The following EFCAB6 variants were observed in gnomAD, a reference collection of about 807,000 sequenced individuals.
EFCAB6 encodes the protein EF-hand calcium-binding domain-containing protein 6.
EFCAB6 carries 156 observed loss-of-function variants against 169.8 expected under a neutral mutation model. That is an observed-to-expected ratio of 0.92 (90% CI 0.81 to 1.05). The LOEUF is 1.05. EFCAB6 is among the 50% of genes least tolerant of loss of function. The probability of loss-of-function intolerance (pLI) is 0.00; values close to 1 mark genes in which losing one functional copy is unlikely to be tolerated. For missense variants in EFCAB6, 1,800 were observed against 1,829.1 expected, an observed-to-expected ratio of 0.98 and a Z score of 0.29; for synonymous variants, 698 against 676.4, an observed-to-expected ratio of 1.03 and a Z score of -0.50.
chr22:43,540,043 A>C lies in EFCAB6; in HGVS notation c.3879+84T>G, dbSNP rs2047605291. On this transcript the variant is annotated intron_variant, in intron 28 of 31. Transcript: ENST00000262726. Reference sequence around the variant, plus strand: ...TCTCAGCCACTCAACCCTGGGCCATAGTAGGGCCCCCAAAGTCCCCCCAGT... The same window carrying C: ...TCTCAGCCACTCAACCCTGGGCCATCGTAGGGCCCCCAAAGTCCCCCCAGT... 7 of 1,487,110 alleles carry C rather than the reference A, an allele frequency of 4.7e-6. No individual in the cohort carries two copies. In the South Asian group the frequency reaches 6.1e-5, roughly 13 times the overall value. 92.1% of individuals were successfully genotyped at this position (1,487,110 alleles called of 1,614,324 possible).
chr22:43,636,118 C>T (rs866040786), intron 17 of EFCAB6, among the ~76,000 whole-genome samples: 4 of 152,204 alleles, frequency 2.6e-5, no homozygotes, highest in Non-Finnish European at 4.4e-5. Context: ...GGGCCAAAGA[C>T]GTCCAGGATG....
At chr22:43,672,450 T>C (rs150858534) in intron 13 of EFCAB6, 145 bp from the exon 14 acceptor site, 4 of 721,870 alleles carry the variant, frequency 5.5e-6, no homozygotes, top group Non-Finnish European at 9.2e-6. Context: ...GAGCTTGCCC[T>C]CTAATACCCA....
chr22:43,789,123 G>A (rs1478955854), intron 2 of EFCAB6, among the ~76,000 whole-genome samples: 2 of 152,138 alleles, frequency 1.3e-5, no homozygotes. Flanking sequence ...CTGGAAGAAG[G>A]GAGGAATGGG....
chr22:43,586,400 GTACAGTGGTGCAATCATAGC>G (rs2051076223), intron 24 of EFCAB6, among the ~76,000 whole-genome samples: 1 of 121,362 alleles, frequency 8.2e-6, no homozygotes, highest in Non-Finnish European at 1.7e-5. Context: ...TGAGGCTGGA[GTACAGTGGTGCAATCATAGC>G]TCATTGCAGC....
Position 43,635,105 on chromosome 22 carries a change from CA to C in EFCAB6, c.2094del (p.Phe698LeufsTer6). The C allele has an allele frequency of 6.2e-7, 1 of 1,614,102 alleles. No homozygotes were observed. Among genetic ancestry groups the C allele is most frequent in the Non-Finnish European group, 8.5e-7 (1 of 1,179,956 alleles). Reference sequence around the variant, plus strand: ...TGTGGACTTGGCCATTAGCTACCTTCAAATCCTGCTGCAAAATCAAGATAGC... The same window carrying C: ...TGTGGACTTGGCCATTAGCTACCTTCAATCCTGCTGCAAAATCAAGATAGC... Reference protein sequence around the residue: ...GMSYLDFAAGFEDPPMRGPET... With the variant: ...GMSYLDFAAGXEDPPMRGPET... On this transcript the variant is annotated frameshift_variant, in exon 18 of 32. Transcript: ENST00000262726. LOFTEE classifies it high-confidence loss of function.
chr22:43,765,819 C>A (rs900529773), intron 4 of EFCAB6, among the ~76,000 whole-genome samples: 9 of 151,976 alleles, frequency 5.9e-5, no homozygotes, highest in Non-Finnish European at 1.0e-4. Context: ...GAAAAAAATC[C>A]ATTTTTAAAT....
chr22:43,734,301 A>C (rs1427248036), intron 7 of EFCAB6, among the ~76,000 whole-genome samples: 2 of 152,276 alleles, frequency 1.3e-5, no homozygotes, highest in East Asian at 3.8e-4. Flanking sequence ...GAAAAGCATT[A>C]AAGCAATTGA....
At chr22:43,749,977 A>G (rs1294375257) in intron 6 of EFCAB6, among the ~76,000 whole-genome samples, 1 of 152,184 alleles carries the variant, frequency 6.6e-6, no homozygotes, top group Non-Finnish European at 1.5e-5. Context: ...GCTCAGGATC[A>G]CTCAGAGAGT....
chr22:43,745,569 G>T lies in EFCAB6; in HGVS notation c.508-9576C>A, dbSNP rs149629934. On this transcript the variant is annotated intron_variant, in intron 6 of 31. Coordinates refer to ENST00000262726, the MANE Select transcript of EFCAB6 (RefSeq NM_022785.4). ...GAGTCCCAAGGGGAGGGGGCTTCGG[G>T]CACCCCCATGTCTTGGCTCAGCAGC... Among the ~76,000 whole-genome samples the T allele has an allele frequency of 3.3e-3, 497 of 152,242 alleles. 1 individual carries two copies. Among genetic ancestry groups the T allele is most frequent in the African/African-American group, 0.011 (477 of 41,516 alleles).
chr22:43,775,059 G>A (rs1364007001), intron 3 of EFCAB6, among the ~76,000 whole-genome samples: 1 of 152,084 alleles, frequency 6.6e-6, no homozygotes, highest in Non-Finnish European at 1.5e-5. Flanking sequence ...GTACTAGCGT[G>A]ATGGTCACAG....
chr22:43,695,101 C>T (rs2058525984), intron 10 of EFCAB6, among the ~76,000 whole-genome samples: 1 of 151,892 alleles, frequency 6.6e-6, no homozygotes, highest in South Asian at 2.1e-4. Context: ...ACTGTACTTA[C>T]AAGAAATCTA....
chr22:43,596,548 G>T (rs1272684650), intron 23 of EFCAB6, among the ~76,000 whole-genome samples: 1 of 151,950 alleles, frequency 6.6e-6, no homozygotes, highest in Non-Finnish European at 1.5e-5. Context: ...CCAAAGAAAT[G>T]AAAGAGCTAT....
At chr22:43,722,529 CAA>C (rs71188408) in intron 8 of EFCAB6, among the ~76,000 whole-genome samples, 6 of 139,026 alleles carry the variant, frequency 4.3e-5, no homozygotes, top group African/African-American at 8.0e-5. Flanking sequence ...GACTGCATCT[CAA>C]AAAAAAAAAA....
intron 7 of EFCAB6, among the ~76,000 whole-genome samples, chr22:43,732,815 A>T (rs2060002746): frequency 6.6e-6 from 1 of 152,106 alleles, no homozygotes; most frequent in Admixed American, 6.5e-5. Context: ...TTGAATTTTT[A>T]AAATAAATTT....
intron 9 of EFCAB6, among the ~76,000 whole-genome samples, chr22:43,713,457 G>A (rs147284992): frequency 6.8e-4 from 103 of 152,286 alleles, no homozygotes; most frequent in African/African-American, 2.4e-3. Context: ...TATCAGACAG[G>A]CAGAAATGTA....
rs2060480619 is a variant in EFCAB6, at chr22:43,744,194, T to C, written c.508-8201A>G. ...GGTAGATGGATGAATGGATGGATGA[T>C]GAATGAATGGATGGAAGGGCTATGG... is the stretch of plus-strand genomic sequence containing the variant. On this transcript the variant is annotated intron_variant, in intron 6 of 31. Coordinates refer to ENST00000262726, the MANE Select transcript of EFCAB6 (RefSeq NM_022785.4). This position sits in a 1 kb window ranked among gnomAD's most constrained non-coding sequence, Gnocchi z 4.3. Among the ~76,000 whole-genome samples the C allele has an allele frequency of 1.3e-5, 2 of 150,820 alleles. No homozygotes were observed. The highest frequency in any genetic ancestry group is 4.2e-4 in the South Asian group (2 of 4,734).
intron 8 of EFCAB6, among the ~76,000 whole-genome samples, chr22:43,731,162 C>A: frequency 6.6e-6 from 1 of 152,072 alleles, no homozygotes; most frequent in East Asian, 1.9e-4. Flanking sequence ...CAACCCTGGG[C>A]GTCGTATGGA....
chr22:43,693,904 A>T (rs2058489040), intron 10 of EFCAB6, among the ~76,000 whole-genome samples: 1 of 152,048 alleles, frequency 6.6e-6, no homozygotes, highest in Admixed American at 6.6e-5. Context: ...AATAAATAAA[A>T]ATATGCCCAA....
intron 9 of EFCAB6, 115 bp downstream of exon 9, chr22:43,716,733 C>T (rs2059343286): frequency 7.6e-7 from 1 of 1,314,578 alleles, no homozygotes; most frequent in South Asian, 1.9e-5. Flanking sequence ...TTGGAGAAGA[C>T]ATAGGTAGGA....
Sources: gnomAD v4.1 joint callset for allele counts (sites outside exome capture counted in the v4.1 genomes callset) on GRCh38, gnomAD v4.1.1 for gene constraint, Gnocchi (gnomAD v3.1) non-coding constraint, MANE v1.5 for transcripts, NCBI Gene and HGNC (gene_info 2026-07-23, HGNC 2026-07-21) for gene names.